The following DLGAP4 variants were observed in gnomAD, a reference collection of about 807,000 sequenced individuals.
The protein encoded by DLGAP4 is disks large-associated protein 4.
DLGAP4 carries 18 observed loss-of-function variants against 86.9 expected under a neutral mutation model. That is an observed-to-expected ratio of 0.21 (90% CI 0.14 to 0.31). DLGAP4 has a LOEUF of 0.31. Ranked by LOEUF, DLGAP4 falls within the 10% of genes least tolerant of loss-of-function variation. The pLI is 1.00. For synonymous variants in DLGAP4, 548 were observed against 574.3 expected (o/e 0.95, Z 0.65); for missense variants, 1,085 against 1,362.6 (o/e 0.80, Z 3.21).
chr20:36,338,300 G>A (rs111348717), intron 1 of DLGAP4, among the ~76,000 whole-genome samples: 2,613 of 152,320 alleles, frequency 0.017, 38 homozygotes, highest in Middle Eastern at 0.041. Flanking sequence ...ATTGGCTCAC[G>A]CCTGTAATCC....
chr20:36,390,699 C>T (rs527238180), intron 2 of DLGAP4, among the ~76,000 whole-genome samples: 55 of 152,238 alleles, frequency 3.6e-4, no homozygotes, highest in African/African-American at 1.3e-3. Flanking sequence ...TAGCTTGTCC[C>T]TAAGTAAGAC....
chr20:36,320,488 G>T (rs1257983775), intron 1 of DLGAP4, among the ~76,000 whole-genome samples: 3 of 152,134 alleles, frequency 2.0e-5, no homozygotes, highest in African/African-American at 7.2e-5. Flanking sequence ...GGGCTGTGGG[G>T]CTGTGAGTGG....
chr20:36,310,586 C>A (rs1246034787), intron 1 of DLGAP4, among the ~76,000 whole-genome samples: 1 of 152,138 alleles, frequency 6.6e-6, no homozygotes, highest in Non-Finnish European at 1.5e-5. Flanking sequence ...GGTGGGCTGT[C>A]CTCCCATTTT....
chr20:36,519,733 T>G (rs1291295641), intron 10 of DLGAP4, among the ~76,000 whole-genome samples: 5 of 152,218 alleles, frequency 3.3e-5, no homozygotes, highest in African/African-American at 9.6e-5. Context: ...TTCCAATCTC[T>G]CCACATCTTT....
At chr20:36,341,802 G>A (rs527368044) in intron 1 of DLGAP4, among the ~76,000 whole-genome samples, 16 of 152,304 alleles carry the variant, frequency 1.1e-4, no homozygotes, top group Non-Finnish European at 2.2e-4. Flanking sequence ...GGGGAAGGGC[G>A]GGCCTGTCGT....
intron 7 of DLGAP4, among the ~76,000 whole-genome samples, chr20:36,450,581 G>C (rs1309822064): frequency 6.6e-6 from 1 of 152,140 alleles, no homozygotes; most frequent in African/African-American, 2.4e-5. Context: ...TTCCCAGGTA[G>C]AAAACTTTTA....
intron 1 of DLGAP4, among the ~76,000 whole-genome samples, chr20:36,323,175 CAAAAAAAAA>C (rs1164348704): frequency 1.5e-3 from 54 of 35,402 alleles, no homozygotes; most frequent in South Asian, 6.4e-3. Flanking sequence ...GACCCTATCT[CAAAAAAAAA>C]AAAAAAAAAA....
intron 1 of DLGAP4, among the ~76,000 whole-genome samples, chr20:36,366,424 A>G (rs1427936225): frequency 6.6e-6 from 1 of 152,190 alleles, no homozygotes; most frequent in Non-Finnish European, 1.5e-5. Context: ...AAGTGGGTGG[A>G]GAGGGACACC....
chr20:36,418,763 C>T (rs73905357), intron 2 of DLGAP4, among the ~76,000 whole-genome samples: 150 of 152,248 alleles, frequency 9.9e-4, no homozygotes, highest in African/African-American at 3.3e-3. Context: ...GGAGGAGGGA[C>T]CCGAGGTGGG....
chr20:36,386,506 A>G (rs371459324), intron 2 of DLGAP4, among the ~76,000 whole-genome samples: 4 of 152,122 alleles, frequency 2.6e-5, no homozygotes, highest in African/African-American at 7.2e-5. Context: ...GGAAAGAAAG[A>G]AGGAAATACT....
chr20:36,408,264 A>G (rs906090054), intron 2 of DLGAP4, among the ~76,000 whole-genome samples: 1 of 151,902 alleles, frequency 6.6e-6, no homozygotes, highest in Non-Finnish European at 1.5e-5. Flanking sequence ...GAGGAGGGCA[A>G]CCACAATCCT....
intron 2 of DLGAP4, among the ~76,000 whole-genome samples, chr20:36,427,568 T>C (rs554199898): frequency 6.6e-6 from 1 of 152,266 alleles, no homozygotes; most frequent in Non-Finnish European, 1.5e-5. Flanking sequence ...TTACACAGCA[T>C]TGTTACTAAA....
At position 36,462,122 on chromosome 20, in the gene DLGAP4, C is replaced by T. The variant is rs568412077; in HGVS notation, c.1648+15185C>T. 26 of 1,010,536 alleles carry T rather than the reference C, an allele frequency of 2.6e-5. No homozygotes were observed. In the African/African-American group the frequency reaches 4.5e-4, roughly 18 times the overall value. The allele number at this position is 1,010,536 out of a possible 1,614,324, so 62.6% of individuals were successfully genotyped here. On this transcript the variant is annotated intron_variant, in intron 7 of 12. Coordinates refer to ENST00000339266, the MANE Select transcript of DLGAP4 (RefSeq NM_001365621.2). ...CTCGCCTCCTCTGAACCCCCATTGC[C>T]CCTGGGCTTTCCCTCTTCTGGGTGT...
At chr20:36,436,001 G>A (rs887531797) in intron 3 of DLGAP4, 108 bp from the exon 4 acceptor site, 1 of 1,409,726 alleles carries the variant, frequency 7.1e-7, no homozygotes, top group Non-Finnish European at 9.2e-7. Context: ...CAGCACGTGA[G>A]CCCGAATTCT....
intron 1 of DLGAP4, among the ~76,000 whole-genome samples, chr20:36,345,553 C>T (rs1409287867): frequency 6.6e-6 from 1 of 152,194 alleles, no homozygotes; most frequent in Non-Finnish European, 1.5e-5. Context: ...GCATCTGCAT[C>T]CCAGGCTTGT....
intron 7 of DLGAP4, among the ~76,000 whole-genome samples, chr20:36,472,387 TA>T (rs1486119792): frequency 1.3e-5 from 2 of 151,592 alleles, no homozygotes; most frequent in African/African-American, 4.9e-5. Flanking sequence ...CCTGTATTCT[TA>T]GCTGCTTGTG....
chr20:36,422,611 C>A (rs2032860262), intron 2 of DLGAP4, among the ~76,000 whole-genome samples: 1 of 152,142 alleles, frequency 6.6e-6, no homozygotes, highest in African/African-American at 2.4e-5. Flanking sequence ...TCAGGAAGAG[C>A]CATGCTAGGT....
chr20:36,478,556 G>T (rs573332403), intron 7 of DLGAP4, among the ~76,000 whole-genome samples: 2 of 152,332 alleles, frequency 1.3e-5, no homozygotes, highest in East Asian at 3.9e-4. Flanking sequence ...TTGGGATGCT[G>T]CCTGGCCTCG....
intron 1 of DLGAP4, among the ~76,000 whole-genome samples, chr20:36,361,920 A>C (rs923959960): frequency 2.7e-5 from 4 of 150,356 alleles, no homozygotes; most frequent in African/African-American, 9.8e-5. Flanking sequence ...CGGAGGTTGC[A>C]GTGAGCCAAG....
Sources: allele counts gnomAD v4.1 joint callset (sites outside exome capture counted in the v4.1 genomes callset), GRCh38; gene constraint gnomAD v4.1.1; transcripts MANE v1.5; gene names NCBI Gene and HGNC (gene_info 2026-07-23, HGNC 2026-07-21).